Variants in ABLIM3 observed in about 807,000 individuals in gnomAD.
ABLIM3 encodes actin binding LIM protein family member 3.
In ABLIM3, 61 loss-of-function variants were observed where a neutral mutation model predicts 109.5. That is an observed-to-expected ratio of 0.56 (90% CI 0.45 to 0.69). The LOEUF (loss-of-function observed/expected upper bound fraction) is 0.69, where lower values mean the gene tolerates loss of function less well. ABLIM3 is among the 30% of genes least tolerant of loss of function. The pLI is 0.00. For synonymous variants in ABLIM3, 300 were observed against 324.8 expected, an observed-to-expected ratio of 0.92 and a Z score of 0.82; for missense variants, 796 against 889.5, an observed-to-expected ratio of 0.89 and a Z score of 1.34.
chr5:149,209,316 G>A (rs1296645834), intron 6 of ABLIM3, among the ~76,000 whole-genome samples: 1 of 152,224 alleles, frequency 6.6e-6, no homozygotes, highest in Non-Finnish European at 1.5e-5. Flanking sequence ...CCTGGCTGCT[G>A]GCAGAGTGGC....
chr5:149,154,681 T>G (rs1436923537), intron 2 of ABLIM3, among the ~76,000 whole-genome samples: 1 of 152,248 alleles, frequency 6.6e-6, no homozygotes, highest in Non-Finnish European at 1.5e-5. Flanking sequence ...CTTACCATAG[T>G]CAGTGATTAT....
At chr5:149,160,565 C>T (rs1428275040) in intron 2 of ABLIM3, among the ~76,000 whole-genome samples, 1 of 152,092 alleles carries the variant, frequency 6.6e-6, no homozygotes, top group Non-Finnish European at 1.5e-5. Flanking sequence ...CCTACTTGTG[C>T]TGATTTGGGA....
At chr5:149,206,727 G>T (rs1032342365) in intron 5 of ABLIM3, among the ~76,000 whole-genome samples, 2 of 152,136 alleles carry the variant, frequency 1.3e-5, no homozygotes, top group African/African-American at 4.8e-5. Flanking sequence ...TTTGAGGAGG[G>T]CTGGAAGCAG....
intron 2 of ABLIM3, among the ~76,000 whole-genome samples, chr5:149,154,402 T>G (rs1173185863): frequency 6.6e-6 from 1 of 152,210 alleles, no homozygotes; most frequent in Non-Finnish European, 1.5e-5. Context: ...AGACAGAGCC[T>G]GGGCCTGTTA....
chr5:149,152,672 G>A lies in ABLIM3; in HGVS notation c.13+10564G>A, dbSNP rs547790652. On this transcript the variant is annotated intron_variant, in intron 2 of 23. Coordinates refer to ENST00000309868, the MANE Select transcript of ABLIM3 (RefSeq NM_014945.5). ...GGTACCTTTTCTAGCCCAAAAGAGG[G>A]CGTCTGAGGAGGCTGAACTGTTCCA... is the stretch of plus-strand genomic sequence containing the variant. Among the ~76,000 whole-genome samples the A allele has an allele frequency of 7.9e-5, 12 of 152,246 alleles. No homozygotes were observed. In the South Asian group the frequency reaches 2.5e-3, roughly 32 times the overall value.
chr5:149,214,880 G>A (rs574398973), intron 7 of ABLIM3, among the ~76,000 whole-genome samples: 1 of 152,220 alleles, frequency 6.6e-6, no homozygotes, highest in African/African-American at 2.4e-5. Context: ...GCTGTTTTCG[G>A]TCCTCTCAAA....
At chr5:149,165,901 A>G (rs978732577) in intron 2 of ABLIM3, among the ~76,000 whole-genome samples, 2 of 152,216 alleles carry the variant, frequency 1.3e-5, no homozygotes, top group Non-Finnish European at 2.9e-5. Context: ...AATATGAGAT[A>G]TGATGTTAAG....
chr5:149,207,187 C>G, intron 6 of ABLIM3, 53 bp downstream of exon 6: 9 of 1,590,926 alleles, frequency 5.7e-6, no homozygotes, highest in Non-Finnish European at 6.9e-6. Context: ...TTCTGTGAGG[C>G]CTGCCCCATT....
intron 5 of ABLIM3, among the ~76,000 whole-genome samples, chr5:149,204,305 T>G (rs1195022808): frequency 6.6e-6 from 1 of 152,212 alleles, no homozygotes; most frequent in Non-Finnish European, 1.5e-5. Flanking sequence ...CAGCTGGCTC[T>G]GCAGACACCA....
intron 23 of ABLIM3, among the ~76,000 whole-genome samples, chr5:149,256,840 T>G (rs1005490258): frequency 1.3e-5 from 2 of 152,242 alleles, no homozygotes; most frequent in Non-Finnish European, 2.9e-5. Context: ...GTTTTGACAT[T>G]TTTCATAATA....
In ABLIM3 at chr5:149,156,900, G is replaced by C. The variant is rs78242184; in HGVS notation, c.13+14792G>C. On this transcript the variant is annotated intron_variant, in intron 2 of 23. Transcript: ENST00000309868. ...ATAAAGGTGAAGGGTGATTTGGCCCGTGAGCCGGTTTGCTGACCCCTATAC... is the reference window on the plus strand; with the variant it reads ...ATAAAGGTGAAGGGTGATTTGGCCCCTGAGCCGGTTTGCTGACCCCTATAC... 4.2e-3 allele frequency among the ~76,000 whole-genome samples: 637 copies of C among 152,354 alleles called. 4 individuals carry two copies. The highest frequency in any genetic ancestry group is 0.015 in the African/African-American group (616 of 41,586).
At chr5:149,149,381 A>G (rs1274891739) in intron 2 of ABLIM3, among the ~76,000 whole-genome samples, 1 of 152,260 alleles carries the variant, frequency 6.6e-6, no homozygotes. Context: ...TTGACTGTTG[A>G]GTAAAGCAAA....
intron 2 of ABLIM3, among the ~76,000 whole-genome samples, chr5:149,162,000 A>G (rs73798004): frequency 9.4e-4 from 143 of 152,164 alleles, no homozygotes; most frequent in African/African-American, 3.2e-3. Context: ...ACATTCCCCA[A>G]TTCCCCAAGC....
intron 7 of ABLIM3, 35 bp downstream of exon 7, chr5:149,210,854 G>C: frequency 6.3e-7 from 1 of 1,592,790 alleles, no homozygotes; most frequent in Non-Finnish European, 8.6e-7. Flanking sequence ...AGATGTGGCA[G>C]GGTGATCTGT....
At chr5:149,252,917 G>T in intron 23 of ABLIM3, 80 bp downstream of exon 23, 1 of 1,120,688 alleles carries the variant, frequency 8.9e-7, no homozygotes, top group South Asian at 1.3e-5. Context: ...GCTCAAGAGG[G>T]CTGGGTGGAA....
intron 19 of ABLIM3, 25 bp downstream of exon 19, chr5:149,249,869 A>G: frequency 6.2e-7 from 1 of 1,614,050 alleles, no homozygotes; most frequent in East Asian, 2.2e-5. Flanking sequence ...CCCTACCTTC[A>G]GCCCATCATG....
intron 2 of ABLIM3, among the ~76,000 whole-genome samples, chr5:149,162,774 G>A (rs1174817310): frequency 6.6e-6 from 1 of 152,176 alleles, no homozygotes; most frequent in African/African-American, 2.4e-5. Flanking sequence ...CTTTTCAGCT[G>A]CTGCTTAGAC....
chr5:149,237,107 A>C (rs1219482283), intron 10 of ABLIM3, among the ~76,000 whole-genome samples: 1 of 152,204 alleles, frequency 6.6e-6, no homozygotes, highest in Non-Finnish European at 1.5e-5. Flanking sequence ...TTAGTGGTGC[A>C]AACTGTATAA....
At chr5:149,171,415 G>A (rs1483386573) in intron 2 of ABLIM3, among the ~76,000 whole-genome samples, 1 of 152,106 alleles carries the variant, frequency 6.6e-6, no homozygotes, top group South Asian at 2.1e-4. Context: ...TGAAAGGAAG[G>A]TAAAATACTA....
Sources: allele counts gnomAD v4.1 joint callset (sites outside exome capture counted in the v4.1 genomes callset), GRCh38; gene constraint gnomAD v4.1.1; transcripts MANE v1.5; gene names NCBI Gene and HGNC (gene_info 2026-07-23, HGNC 2026-07-21).